SLC6A3: variants seen among roughly 807,000 people sequenced by gnomAD.
SLC6A3 encodes solute carrier family 6 member 3.
SLC6A3 carries 19 observed loss-of-function variants against 70.4 expected under a neutral mutation model. That is an observed-to-expected ratio of 0.27 (90% CI 0.19 to 0.40). The LOEUF is 0.40. Among genes scored for constraint, SLC6A3 ranks in the 10% least tolerant of loss-of-function variants. SLC6A3 has a pLI of 1.00. For synonymous variants in SLC6A3, 368 were observed against 356.6 expected (o/e 1.03, Z -0.36); for missense variants, 613 against 838.5 (o/e 0.73, Z 3.32).
At chr5:1,441,815 C>G (rs1391519336) in intron 2 of SLC6A3, among the ~76,000 whole-genome samples, 1 of 152,140 alleles carries the variant, frequency 6.6e-6, no homozygotes, top group African/African-American at 2.4e-5. Context: ...TCGGGGTGCC[C>G]TTCCCTGGCC....
rs373894271 is a variant in SLC6A3, at chr5:1,403,056, G to C, written c.1633C>G (p.Pro545Ala). ...AAGATGTAGGCTCCGTAGTGGGGGGGTCTGAAGGTCACAATGCTGACCACG... is the reference window on the plus strand; with the variant it reads ...AAGATGTAGGCTCCGTAGTGGGGGGCTCTGAAGGTCACAATGCTGACCACG... ...VVVVSIVTFRPPHYGAYIFPD... is the reference protein window; with the variant it reads ...VVVVSIVTFRAPHYGAYIFPD... Residue 545 changes from proline (P) to alanine (A), a missense_variant, in exon 13 of 15, where the codon CCC becomes GCC. By Grantham distance (27) the Pro-to-Ala change is conservative. Coordinates refer to ENST00000270349, the MANE Select transcript of SLC6A3 (RefSeq NM_001044.5). 1.9e-6 allele frequency: 3 copies of C among 1,613,900 alleles called. No homozygotes were observed. The highest frequency in any genetic ancestry group is 2.5e-6 in the Non-Finnish European group (3 of 1,180,018).
At position 1,402,895 on chromosome 5, in the gene SLC6A3, G is replaced by A. The variant is rs1257348298; in HGVS notation, c.1767+27C>T. 1.2e-6 allele frequency: 2 copies of A among 1,610,926 alleles called. No individual in the cohort carries two copies. Among genetic ancestry groups the A allele is most frequent in the South Asian group, 1.1e-5 (1 of 90,832 alleles). ...GCCTTTCTGGTGGCCTCACACTCGG[G>A]TGAAGGCGCCCCGTCCAAATACCCA... On this transcript the variant is annotated intron_variant, in intron 13 of 14. Coordinates refer to ENST00000270349, the MANE Select transcript of SLC6A3 (RefSeq NM_001044.5). The surrounding 1 kb of genome is among the most constrained non-coding windows in gnomAD (Gnocchi z 8.5).
rs1756434364 is a variant in SLC6A3 at position 1,421,466 on chromosome 5, T to C, written c.792+410A>G. Among the ~76,000 whole-genome samples the C allele has an allele frequency of 6.6e-6, 1 of 152,178 alleles. No individual in the cohort carries two copies. The highest frequency in any genetic ancestry group is 2.4e-5 in the African/African-American group (1 of 41,440). ...TATTTTTATCAACAAAAAAATCATCTTGTGTGTGCCTTCCTGCCAGAAACA... is the reference window on the plus strand; with the variant it reads ...TATTTTTATCAACAAAAAAATCATCCTGTGTGTGCCTTCCTGCCAGAAACA... On this transcript the variant is annotated intron_variant, in intron 5 of 14. Transcript: ENST00000270349. The surrounding 1 kb of genome is among the most constrained non-coding windows in gnomAD (Gnocchi z 7.2).
Position 1,421,050 on chromosome 5 carries a change from C to A in SLC6A3, c.793-347G>T, listed in dbSNP as rs1300498395. On this transcript the variant is annotated intron_variant, in intron 5 of 14. Coordinates refer to ENST00000270349, the MANE Select transcript of SLC6A3 (RefSeq NM_001044.5). The surrounding 1 kb of genome is among the most constrained non-coding windows in gnomAD (Gnocchi z 7.2). ...CACACTGGTGAACGGCACTGTGGCA[C>A]GATGAAGGGCTGCTCTGGGCTGTGT... Among the ~76,000 whole-genome samples the A allele has an allele frequency of 6.6e-6, 1 of 152,082 alleles. No homozygotes were observed. The highest frequency in any genetic ancestry group is 6.5e-5 in the Admixed American group (1 of 15,278).
rs1306226228 is a variant in SLC6A3 at position 1,411,616 on chromosome 5, T to C, written c.1157-261A>G. Reference sequence around the variant, plus strand: ...GCTCCTCCAAATTACCTGGGTCCTTTTGGGCTATGGGGGTGCTTGGGGAAG... The same window carrying C: ...GCTCCTCCAAATTACCTGGGTCCTTCTGGGCTATGGGGGTGCTTGGGGAAG... On this transcript the variant is annotated intron_variant, in intron 8 of 14. Transcript: ENST00000270349. The surrounding 1 kb of genome is among the most constrained non-coding windows in gnomAD (Gnocchi z 6.5). Among the ~76,000 whole-genome samples the C allele has an allele frequency of 6.6e-6, 1 of 152,196 alleles. No homozygotes were observed. Among genetic ancestry groups the C allele is most frequent in the Non-Finnish European group, 1.5e-5 (1 of 68,026 alleles).
intron 3 of SLC6A3, among the ~76,000 whole-genome samples, chr5:1,441,088 T>C (rs1409878636): frequency 6.6e-6 from 1 of 152,350 alleles, no homozygotes; most frequent in South Asian, 2.1e-4. Context: ...TAGATAGACA[T>C]GTGTTTTATC....
rs375285521 is a variant in SLC6A3 at position 1,413,645 on chromosome 5, A to G, written c.1156+1046T>C. ...CCAGAGGAAGCAAGGATGGGGACGC[A>G]GCATGGGAGCCCACCCAACCCAGGC... On this transcript the variant is annotated intron_variant, in intron 8 of 14. Transcript: ENST00000270349. The surrounding 1 kb of genome is among the most constrained non-coding windows in gnomAD (Gnocchi z 7.1). 2.5e-3 allele frequency among the ~76,000 whole-genome samples: 375 copies of G among 152,256 alleles called. 4 individuals are homozygous for G. Among genetic ancestry groups the G allele is most frequent in the African/African-American group, 8.8e-3 (367 of 41,560 alleles).
chr5:1,420,459 C>G lies in SLC6A3; in HGVS notation c.927+110G>C, dbSNP rs113343415. ...GGATTTGGCTTCCCGAGGAAAGAACCCTGGTGTCTGCAACTCTGACACCTC... is the reference window on the plus strand; with the variant it reads ...GGATTTGGCTTCCCGAGGAAAGAACGCTGGTGTCTGCAACTCTGACACCTC... On this transcript the variant is annotated intron_variant, in intron 6 of 14. Coordinates refer to ENST00000270349, the MANE Select transcript of SLC6A3 (RefSeq NM_001044.5). The G allele has an allele frequency of 3.2e-3, 4,219 of 1,307,212 alleles. 96 individuals are homozygous for G. The African/African-American group carries it at 0.05, about 16-fold the overall frequency. The allele number at this position is 1,307,212 out of a possible 1,614,324, so 81.0% of individuals were successfully genotyped here.
At chr5:1,420,429 A>T in intron 6 of SLC6A3, 140 bp downstream of exon 6, 1 of 885,820 alleles carries the variant, frequency 1.1e-6, no homozygotes, top group East Asian at 2.4e-5. Flanking sequence ...TATCACAGGT[A>T]CTTGGGATTT....
Position 1,394,696 on chromosome 5 carries a change from T to C in SLC6A3, c.*39A>G, listed in dbSNP as rs1755671082. On this transcript the variant is annotated 3_prime_UTR_variant, in exon 15 of 15. Coordinates refer to ENST00000270349, the MANE Select transcript of SLC6A3 (RefSeq NM_001044.5). The surrounding 1 kb of genome is among the most constrained non-coding windows in gnomAD (Gnocchi z 4.7). ...CCTTGGTTTGTTCGTGTCTCTCCCA[T>C]TGCAGGATGACTTCCTGGGGTCTTC... 1.9e-6 allele frequency: 3 copies of C among 1,605,374 alleles called. No individual in the cohort carries two copies. The African/African-American group carries it at 4.0e-5, about 21-fold the overall frequency.
intron 14 of SLC6A3, among the ~76,000 whole-genome samples, chr5:1,395,874 T>TG (rs1305188136): frequency 7.2e-5 from 11 of 152,172 alleles, no homozygotes; most frequent in Non-Finnish European, 1.3e-4. Context: ...GAGGTGTGCT[T>TG]GGGGGCTCCC....
intron 5 of SLC6A3, 99 bp from the exon 6 acceptor site, chr5:1,420,802 CTGAT>C (rs1281246231): frequency 3.8e-6 from 5 of 1,325,928 alleles, no homozygotes; most frequent in Admixed American, 1.8e-5. Flanking sequence ...GGCTTGTCCT[CTGAT>C]TGGGAGGCCC....
Position 1,406,052 on chromosome 5 carries a change from C to A in SLC6A3, c.1599+136G>T. The A allele has an allele frequency of 1.4e-6, 1 of 724,446 alleles. No individual in the cohort carries two copies. 44.9% of individuals were successfully genotyped at this position (724,446 alleles called of 1,614,324 possible). A position where few individuals can be genotyped will look rare whatever the true frequency, so the allele number is the denominator to read the frequency against. The stretch of plus-strand genomic sequence containing the variant: ...TAGATGAGTTCAGGGATCAGCCTGT[C>A]CTTCTGGGCCGAGTCTTGAGGCCCC... On this transcript the variant is annotated intron_variant, in intron 12 of 14. Transcript: ENST00000270349. This position sits in a 1 kb window ranked among gnomAD's most constrained non-coding sequence, Gnocchi z 8.8.
chr5:1,431,023 C>T (rs895203221), intron 4 of SLC6A3, among the ~76,000 whole-genome samples: 3 of 152,260 alleles, frequency 2.0e-5, no homozygotes, highest in Non-Finnish European at 2.9e-5. Context: ...CAGGAGCGCC[C>T]TGGCTGACGG....
chr5:1,444,721 TG>T (rs1733757810), intron 1 of SLC6A3, among the ~76,000 whole-genome samples: 1 of 152,214 alleles, frequency 6.6e-6, no homozygotes, highest in Non-Finnish European at 1.5e-5. Context: ...GCCGCCGCCC[TG>T]GGGCCACCTG....
Position 1,436,390 on chromosome 5 carries a change from C to T in SLC6A3, c.419-3692G>A, listed in dbSNP as rs577625597. On this transcript the variant is annotated intron_variant, in intron 3 of 14. Coordinates refer to ENST00000270349, the MANE Select transcript of SLC6A3 (RefSeq NM_001044.5). This position sits in a 1 kb window ranked among gnomAD's most constrained non-coding sequence, Gnocchi z 5.2. ...ATTTCTTAAACACCATTTAGTGACACGGGAGACTGTCTCCCCAAGGAGGTG... is the reference window on the plus strand; with the variant it reads ...ATTTCTTAAACACCATTTAGTGACATGGGAGACTGTCTCCCCAAGGAGGTG... Among the ~76,000 whole-genome samples, 10 of 152,272 alleles carry T rather than the reference C, an allele frequency of 6.6e-5. No individual in the cohort carries two copies. The highest frequency in any genetic ancestry group is 2.6e-4 in the Admixed American group (4 of 15,292).
rs187792307 is a variant in SLC6A3, at chr5:1,396,338, A to G, written c.1840-1580T>C. Among the ~76,000 whole-genome samples the G allele has an allele frequency of 1.8e-3, 280 of 152,292 alleles. No individual in the cohort carries two copies. The highest frequency in any genetic ancestry group is 3.1e-3 in the Non-Finnish European group (209 of 68,024). On this transcript the variant is annotated intron_variant, in intron 14 of 14. Coordinates refer to ENST00000270349, the MANE Select transcript of SLC6A3 (RefSeq NM_001044.5). This position sits in a 1 kb window ranked among gnomAD's most constrained non-coding sequence, Gnocchi z 7.0. ...GAAACAAGCCCCAAATAAACAAAACACACGTGCCGATGACCTTCCAGACCA... is the reference window on the plus strand; with the variant it reads ...GAAACAAGCCCCAAATAAACAAAACGCACGTGCCGATGACCTTCCAGACCA...
chr5:1,429,496 G>T (rs771597181), intron 4 of SLC6A3, among the ~76,000 whole-genome samples: 21 of 152,158 alleles, frequency 1.4e-4, no homozygotes, highest in Non-Finnish European at 2.4e-4. Flanking sequence ...TAGTCTGATC[G>T]TTTAAAATAA....
At chr5:1,433,767 G>A (rs1277154708) in intron 3 of SLC6A3, among the ~76,000 whole-genome samples, 2 of 144,436 alleles carry the variant, frequency 1.4e-5, no homozygotes, top group African/African-American at 2.6e-5. Flanking sequence ...ATCCATCCAC[G>A]GCCATCCACA....
Sources: allele counts gnomAD v4.1 joint callset (sites outside exome capture counted in the v4.1 genomes callset), GRCh38; gene constraint gnomAD v4.1.1; non-coding constraint Gnocchi (gnomAD v3.1); transcripts MANE v1.5; gene names NCBI Gene and HGNC (gene_info 2026-07-23, HGNC 2026-07-21).